The following CPNE1 variants were observed in gnomAD, a reference collection of about 807,000 sequenced individuals.
The protein encoded by CPNE1 is copine 1.
A neutral mutation model predicts 63.2 loss-of-function variants in CPNE1; 58 were observed. The ratio of observed to expected loss-of-function variants is 0.92; its 90% confidence interval spans 0.74 to 1.14. The LOEUF is 1.14. CPNE1 is among the 50% of genes most tolerant of loss of function. The pLI is 0.00. For missense variants in CPNE1, 672 were observed against 661.7 expected (o/e 1.02, Z -0.17); for synonymous variants, 237 against 249.0 (o/e 0.95, Z 0.45).
At chr20:35,662,960 G>A (rs2034315867) in intron 1 of CPNE1, among the ~76,000 whole-genome samples, 1 of 152,076 alleles carries the variant, frequency 6.6e-6, no homozygotes. Flanking sequence ...CAATCCATAA[G>A]CAAAGTAATC....
chr20:35,629,027 C>CT (rs1030944322), intron 13 of CPNE1, among the ~76,000 whole-genome samples: 3 of 152,220 alleles, frequency 2.0e-5, no homozygotes, highest in African/African-American at 7.2e-5. Context: ...TATTTTTAAT[C>CT]TTTTTTCCCT....
intron 1 of CPNE1, among the ~76,000 whole-genome samples, chr20:35,634,409 C>T (rs1209918097): frequency 6.6e-6 from 1 of 151,482 alleles, no homozygotes; most frequent in African/African-American, 2.4e-5. Context: ...GCCTGACCAA[C>T]ATGGTGAAAC....
intron 1 of CPNE1, among the ~76,000 whole-genome samples, chr20:35,644,192 G>A (rs1022318202): frequency 3.3e-5 from 5 of 152,148 alleles, no homozygotes; most frequent in African/African-American, 9.7e-5. Flanking sequence ...CTCACAAACA[G>A]GGAAGTGCAC....
At chr20:35,639,102 A>C (rs888149687) in intron 1 of CPNE1, among the ~76,000 whole-genome samples, 4 of 149,680 alleles carry the variant, frequency 2.7e-5, no homozygotes, top group Non-Finnish European at 4.4e-5. Flanking sequence ...AAAAAAAAAA[A>C]ACAAAACCCA....
intron 1 of CPNE1, chr20:35,655,419 A>G: frequency 7.8e-7 from 1 of 1,287,320 alleles, no homozygotes; most frequent in South Asian, 1.5e-5. Context: ...AAGAATGACC[A>G]GCTACCATAT....
intron 1 of CPNE1, chr20:35,654,183 T>C: frequency 1.2e-6 from 2 of 1,614,234 alleles, no homozygotes; most frequent in Non-Finnish European, 1.7e-6. Context: ...CTACCCACTG[T>C]CTTTCTGTGG....
At chr20:35,658,100 G>A (rs901465427) in intron 1 of CPNE1, among the ~76,000 whole-genome samples, 8 of 151,946 alleles carry the variant, frequency 5.3e-5, no homozygotes, top group African/African-American at 2.4e-5. Flanking sequence ...ATTTAAAAAA[G>A]TATCTGCTTT....
intron 1 of CPNE1, among the ~76,000 whole-genome samples, chr20:35,633,828 G>T (rs555601171): frequency 6.6e-6 from 1 of 151,824 alleles, no homozygotes; most frequent in South Asian, 2.1e-4. Context: ...GCATGTTGGC[G>T]TGTGCCTATA....
intron 1 of CPNE1, chr20:35,653,232 T>TA: frequency 6.2e-7 from 1 of 1,613,548 alleles, no homozygotes; most frequent in Non-Finnish European, 8.5e-7. Context: ...CTGCACTAGG[T>TA]ATTCCTGCAC....
In CPNE1 at chr20:35,630,872, G is replaced by A. The variant is rs370663379; in HGVS notation, c.995+29C>T. ...AGAGGCTGAAGCATCTGCAGGGAGC[G>A]GGTATAGCCCAGAGAAGCAGGTACT... On this transcript the variant is annotated intron_variant, in intron 11 of 15. Coordinates refer to ENST00000397443, the MANE Select transcript of CPNE1 (RefSeq NM_152925.3). The A allele has an allele frequency of 3.3e-4, 536 of 1,602,814 alleles. 1 individual carries two copies. Among genetic ancestry groups the A allele is most frequent in the Admixed American group, 2.5e-4 (15 of 58,900 alleles).
intron 1 of CPNE1, chr20:35,651,814 CCA>C (rs1468179997): frequency 6.6e-6 from 1 of 152,554 alleles, no homozygotes; most frequent in Non-Finnish European, 1.5e-5. Flanking sequence ...AAGTCTTATT[CCA>C]CACAGTTTTA....
intron 1 of CPNE1, among the ~76,000 whole-genome samples, chr20:35,658,686 G>A (rs2034048129): frequency 6.6e-6 from 1 of 152,090 alleles, no homozygotes; most frequent in Non-Finnish European, 1.5e-5. Context: ...CTTGAACCCG[G>A]GAGGCGGAGG....
intron 1 of CPNE1, chr20:35,653,599 T>C (rs748148743): frequency 2.5e-6 from 4 of 1,614,092 alleles, no homozygotes; most frequent in African/African-American, 1.3e-5. Context: ...AACAAGAACA[T>C]GTACAGCATT....
intron 1 of CPNE1, chr20:35,649,857 T>C (rs1601460303): frequency 6.6e-6 from 1 of 152,310 alleles, no homozygotes; most frequent in East Asian, 1.9e-4. Flanking sequence ...CAATAAAATT[T>C]ACACATAAAA....
At chr20:35,654,308 C>G in intron 1 of CPNE1, 18 of 1,614,212 alleles carry the variant, frequency 1.1e-5, no homozygotes, top group Non-Finnish European at 1.5e-5. Flanking sequence ...TTTCGACCTA[C>G]ATGATCTTTC....
At chr20:35,637,131 A>C (rs1188385960) in intron 1 of CPNE1, among the ~76,000 whole-genome samples, 1 of 152,132 alleles carries the variant, frequency 6.6e-6, no homozygotes, top group Non-Finnish European at 1.5e-5. Flanking sequence ...GTTCATTCTA[A>C]GCCCAAAGCC....
chr20:35,651,312 G>GA (rs928413166), intron 1 of CPNE1: 1 of 152,136 alleles, frequency 6.6e-6, no homozygotes, highest in Non-Finnish European at 1.5e-5. Flanking sequence ...GAATACCAAA[G>GA]AAAAGAGTAT....
intron 1 of CPNE1, chr20:35,652,556 C>G: frequency 6.2e-7 from 1 of 1,613,984 alleles, no homozygotes; most frequent in Non-Finnish European, 8.5e-7. Flanking sequence ...TTTCTTGAAC[C>G]TATAGGCCTG....
At chr20:35,636,402 C>T (rs2032487331) in intron 1 of CPNE1, among the ~76,000 whole-genome samples, 1 of 152,164 alleles carries the variant, frequency 6.6e-6, no homozygotes, top group South Asian at 2.1e-4. Flanking sequence ...AAATCTAAGG[C>T]AGCTTAAAGG....
Sources: allele counts gnomAD v4.1 joint callset (sites outside exome capture counted in the v4.1 genomes callset), GRCh38; gene constraint gnomAD v4.1.1; transcripts MANE v1.5; gene names NCBI Gene and HGNC (gene_info 2026-07-23, HGNC 2026-07-21).